The following DPYD variants were observed in gnomAD, a reference collection of about 807,000 sequenced individuals.
The protein encoded by DPYD is dihydropyrimidine dehydrogenase [NADP(+)].
In DPYD, 109 loss-of-function variants were observed where a neutral mutation model predicts 116.2. The ratio of observed to expected loss-of-function variants is 0.94; its 90% CI spans 0.80 to 1.10. DPYD has a LOEUF of 1.10. DPYD is among the 50% of genes least tolerant of loss of function. DPYD has a pLI of 0.00. For synonymous variants in DPYD, 440 were observed against 432.0 expected, an observed-to-expected ratio of 1.02 and a Z score of -0.23; for missense variants, 1,302 against 1,254.5, an observed-to-expected ratio of 1.04 and a Z score of -0.57.
At chr1:97,331,631 G>A (rs1202552444) in intron 16 of DPYD, among the ~76,000 whole-genome samples, 2 of 152,124 alleles carry the variant, frequency 1.3e-5, no homozygotes, top group Non-Finnish European at 2.9e-5. Context: ...AGCAAAGAAG[G>A]AGGAAAGAAA....
chr1:97,092,182 T>C (rs896962983), intron 21 of DPYD, among the ~76,000 whole-genome samples: 2 of 152,306 alleles, frequency 1.3e-5, no homozygotes, highest in African/African-American at 2.4e-5. Flanking sequence ...TTATTTGTCA[T>C]TGTCTGTTTC....
Position 97,226,806 on chromosome 1 carries a change from A to T in DPYD, c.2442+8046T>A, listed in dbSNP as rs369532056. On this transcript the variant is annotated intron_variant, in intron 19 of 22. Coordinates refer to ENST00000370192, the MANE Select transcript of DPYD (RefSeq NM_000110.4). ...TTAAAATATCCATACTATCCAAAGC[A>T]ATCTAAATATTCAATAGAATCCCTA... Among the ~76,000 whole-genome samples the T allele has an allele frequency of 4.7e-4, 71 of 152,332 alleles. 1 individual carries two copies. In the South Asian group the frequency reaches 0.014, roughly 31 times the overall value.
Position 97,462,646 on chromosome 1 carries a change from T to A in DPYD, c.1741-12423A>T, listed in dbSNP as rs144803291. Reference sequence around the variant, plus strand: ...CTTTTTGTGCAATAAGACACCAAATTCCAGCCTCACTCTAGTACAGCATCA... The same window carrying A: ...CTTTTTGTGCAATAAGACACCAAATACCAGCCTCACTCTAGTACAGCATCA... On this transcript the variant is annotated intron_variant, in intron 13 of 22. Transcript: ENST00000370192. Among the ~76,000 whole-genome samples the A allele has an allele frequency of 3.9e-5, 6 of 152,278 alleles. No homozygotes were observed. In the East Asian group the frequency reaches 1.2e-3, roughly 29 times the overall value.
chr1:97,871,350 C>T (rs570196022), intron 2 of DPYD, among the ~76,000 whole-genome samples: 2 of 151,928 alleles, frequency 1.3e-5, no homozygotes, highest in African/African-American at 4.8e-5. Context: ...ATAAGAACAA[C>T]TTCTTCTCCC....
At chr1:97,755,696 T>G (rs1331537523) in intron 3 of DPYD, among the ~76,000 whole-genome samples, 1 of 152,206 alleles carries the variant, frequency 6.6e-6, no homozygotes, top group Non-Finnish European at 1.5e-5. Flanking sequence ...GATTCTGGAT[T>G]TAAATCCAGC....
At chr1:97,218,061 C>T (rs1660530690) in intron 19 of DPYD, among the ~76,000 whole-genome samples, 1 of 152,284 alleles carries the variant, frequency 6.6e-6, no homozygotes, top group Admixed American at 6.5e-5. Context: ...AACTTCAAAG[C>T]TCCTTCTCTT....
chr1:97,345,065 C>G (rs571323687), intron 16 of DPYD, among the ~76,000 whole-genome samples: 5 of 151,842 alleles, frequency 3.3e-5, no homozygotes, highest in Non-Finnish European at 7.4e-5. Context: ...TCCATTCTGA[C>G]CAGCTGGGTT....
At chr1:97,314,231 A>G (rs1667681894) in intron 16 of DPYD, among the ~76,000 whole-genome samples, 1 of 151,852 alleles carries the variant, frequency 6.6e-6, no homozygotes, top group African/African-American at 2.4e-5. Flanking sequence ...GGGCTTTTCC[A>G]GAGTTTGTAC....
At chr1:97,394,228 C>T (rs757449378) in intron 14 of DPYD, 4 of 152,022 alleles carry the variant, frequency 2.6e-5, no homozygotes, top group African/African-American at 4.8e-5. Flanking sequence ...AAAATTTTCT[C>T]CCATTCTGTA....
At chr1:97,211,415 T>C (rs1036185693) in intron 19 of DPYD, among the ~76,000 whole-genome samples, 1 of 152,160 alleles carries the variant, frequency 6.6e-6, no homozygotes, top group Admixed American at 6.6e-5. Flanking sequence ...TTCTTATATA[T>C]CTGTTTCTTA....
At chr1:97,210,817 C>A (rs1222204042) in intron 19 of DPYD, among the ~76,000 whole-genome samples, 1 of 152,078 alleles carries the variant, frequency 6.6e-6, no homozygotes, top group Non-Finnish European at 1.5e-5. Flanking sequence ...CTCCACCAGT[C>A]CAAAGTCTAG....
At chr1:97,215,105 T>A (rs1038184070) in intron 19 of DPYD, among the ~76,000 whole-genome samples, 6 of 152,218 alleles carry the variant, frequency 3.9e-5, no homozygotes. Flanking sequence ...ACACATACTT[T>A]GCTTCAGATA....
intron 8 of DPYD, among the ~76,000 whole-genome samples, chr1:97,648,234 C>T (rs1658383663): frequency 6.6e-6 from 1 of 151,988 alleles, no homozygotes; most frequent in African/African-American, 2.4e-5. Context: ...TTCAATCAAG[C>T]AGTCATCATC....
At chr1:97,241,411 C>T (rs534647893) in intron 18 of DPYD, among the ~76,000 whole-genome samples, 54 of 152,038 alleles carry the variant, frequency 3.6e-4, no homozygotes, top group African/African-American at 1.1e-3. Flanking sequence ...GCTGTCCTCT[C>T]TATTTTGTAC....
chr1:97,726,669 G>A (rs1370731006), intron 4 of DPYD, among the ~76,000 whole-genome samples: 1 of 151,254 alleles, frequency 6.6e-6, no homozygotes, highest in Non-Finnish European at 1.5e-5. Flanking sequence ...GCAAAAAAAT[G>A]TGATCTGCAA....
intron 4 of DPYD, among the ~76,000 whole-genome samples, chr1:97,722,471 T>C (rs1662976462): frequency 6.6e-6 from 1 of 151,588 alleles, no homozygotes; most frequent in African/African-American, 2.4e-5. Flanking sequence ...AGGGTGTTAA[T>C]AATAGGGGTA....
At position 97,086,263 on chromosome 1, in the gene DPYD, G is replaced by A. The variant is rs185586319; in HGVS notation, c.2767-3793C>T. On this transcript the variant is annotated intron_variant, in intron 21 of 22. Coordinates refer to ENST00000370192, the MANE Select transcript of DPYD (RefSeq NM_000110.4). ...GAGCCGGGTTTCACCATATTGGCCC[G>A]GCTGGTCTCAAACTCTTGACCTTGT... Among the ~76,000 whole-genome samples the A allele has an allele frequency of 8.5e-4, 129 of 151,914 alleles. 1 individual carries two copies. The highest frequency in any genetic ancestry group is 3.4e-3 in the Middle Eastern group (1 of 290).
intron 16 of DPYD, among the ~76,000 whole-genome samples, chr1:97,330,481 T>C (rs1350917166): frequency 6.6e-6 from 1 of 152,184 alleles, no homozygotes; most frequent in Non-Finnish European, 1.5e-5. Flanking sequence ...ACTCCACAAA[T>C]ATGTATTCAA....
At chr1:97,184,506 C>G (rs140755380) in intron 20 of DPYD, among the ~76,000 whole-genome samples, 162 of 152,194 alleles carry the variant, frequency 1.1e-3, no homozygotes, top group African/African-American at 3.8e-3. Flanking sequence ...TTGCATTTCT[C>G]TAATGATCAG....
Sources: gnomAD v4.1 joint callset for allele counts (sites outside exome capture counted in the v4.1 genomes callset) on GRCh38, gnomAD v4.1.1 for gene constraint, MANE v1.5 for transcripts, NCBI Gene and HGNC (gene_info 2026-07-23, HGNC 2026-07-21) for gene names.